Variants in PTPRE observed in about 807,000 individuals in gnomAD.
The protein encoded by PTPRE is receptor-type tyrosine-protein phosphatase epsilon.
A neutral mutation model predicts 102.0 loss-of-function variants in PTPRE; 51 were observed. The ratio of observed to expected loss-of-function variants is 0.50; its 90% CI spans 0.40 to 0.63. The LOEUF is 0.63. PTPRE is among the 30% of genes least tolerant of loss of function. The pLI is 0.00. For synonymous variants in PTPRE, 345 were observed against 348.2 expected (o/e 0.99, Z 0.10); for missense variants, 752 against 915.1 (o/e 0.82, Z 2.30).
Position 127,943,564 on chromosome 10 carries a change from G to A in PTPRE, c.-31+36255G>A, listed in dbSNP as rs1265776466. Among the ~76,000 whole-genome samples, 3 of 152,328 alleles carry A rather than the reference G, an allele frequency of 2.0e-5. 1 individual carries two copies. The highest frequency in any genetic ancestry group is 2.9e-5 in the Non-Finnish European group (2 of 68,034). On this transcript the variant is annotated intron_variant, in intron 1 of 20. Transcript: ENST00000254667. ...ACCCCACCCACAGTGAGACAATGCG[G>A]TGGTCATGGGGAAGCTCCACCCACC...
At chr10:127,961,759 T>C (rs1275501343) in intron 1 of PTPRE, among the ~76,000 whole-genome samples, 2 of 152,106 alleles carry the variant, frequency 1.3e-5, no homozygotes, top group East Asian at 1.9e-4. Context: ...ATTTGTACCT[T>C]GGTGTATTTA....
At position 128,070,152 on chromosome 10, in the gene PTPRE, T is replaced by C. The variant is rs1030523386; in HGVS notation, c.1144-149T>C. The C allele has an allele frequency of 4.3e-6, 4 of 924,868 alleles. No individual in the cohort carries two copies. The highest frequency in any genetic ancestry group is 1.7e-5 in the African/African-American group (1 of 59,530). 57.3% of individuals were successfully genotyped at this position (924,868 alleles called of 1,614,324 possible). ...CAAGGGCATAAATGGTCGTTATCCG[T>C]GGCCGGTACTCTGACTCTTGCCTCA... is the stretch of plus-strand genomic sequence containing the variant. On this transcript the variant is annotated intron_variant, in intron 13 of 20. Transcript: ENST00000254667. This position sits in a 1 kb window ranked among gnomAD's most constrained non-coding sequence, Gnocchi z 4.8.
intron 3 of PTPRE, among the ~76,000 whole-genome samples, chr10:128,043,022 G>A (rs940642865): frequency 6.6e-6 from 1 of 152,050 alleles, no homozygotes; most frequent in African/African-American, 2.4e-5. Flanking sequence ...CAAAGGGTTG[G>A]CAAAATATCC....
At chr10:128,039,797 G>C (rs527461844) in intron 2 of PTPRE, among the ~76,000 whole-genome samples, 2 of 152,048 alleles carry the variant, frequency 1.3e-5, no homozygotes, top group South Asian at 4.2e-4. Context: ...GAGTGGGGGG[G>C]CCACACCTCC....
chr10:127,951,052 G>A (rs1848985273), intron 1 of PTPRE, among the ~76,000 whole-genome samples: 1 of 152,024 alleles, frequency 6.6e-6, no homozygotes, highest in Non-Finnish European at 1.5e-5. Flanking sequence ...ACTCCAGCCT[G>A]GGTGACAGAG....
At chr10:127,962,673 G>A (rs72845889) in intron 1 of PTPRE, among the ~76,000 whole-genome samples, 8,340 of 152,294 alleles carry the variant, frequency 0.055, 277 homozygotes, top group Middle Eastern at 0.082. Flanking sequence ...TCAGCGGGGC[G>A]GCTGTGCCCT....
At chr10:128,002,333 G>A (rs749371592) in intron 2 of PTPRE, among the ~76,000 whole-genome samples, 7 of 152,168 alleles carry the variant, frequency 4.6e-5, no homozygotes, top group South Asian at 2.1e-4. Context: ...AATTATTTCC[G>A]GGGAGTTTGT....
chr10:128,049,588 C>T lies in PTPRE; in HGVS notation c.342C>T (p.Pro114=). 2 of 1,614,030 alleles carry T rather than the reference C, an allele frequency of 1.2e-6. No homozygotes were observed. Among genetic ancestry groups the T allele is most frequent in the South Asian group, 1.1e-5 (1 of 91,076 alleles). Residue 114 remains proline, a synonymous_variant, in exon 6 of 21, where the codon CCC becomes CCT. Coordinates refer to ENST00000254667, the MANE Select transcript of PTPRE (RefSeq NM_006504.6). ...CCTCAGGGCCCAAGAAGTATTTTCC[C>T]ATCCCCGTGGAGCACCTGGAGGAGG... The part of the protein sequence containing the change: ...RSPSGPKKYF[P]IPVEHLEEEI...
At chr10:128,082,768 C>T (rs1851836132) in intron 20 of PTPRE, 64 bp from the exon 21 acceptor site, 1 of 1,495,702 alleles carries the variant, frequency 6.7e-7, no homozygotes, top group Non-Finnish European at 8.9e-7. Context: ...TTGAGTATTT[C>T]TCCTGATTAA....
At chr10:127,920,922 C>T (rs888063987) in intron 1 of PTPRE, among the ~76,000 whole-genome samples, 2 of 152,132 alleles carry the variant, frequency 1.3e-5, no homozygotes, top group African/African-American at 2.4e-5. Flanking sequence ...AAGGAGAGGG[C>T]GTTTCCCTAC....
rs1468191223 is a variant in PTPRE at position 127,944,303 on chromosome 10, G to C, written c.-31+36994G>C. Among the ~76,000 whole-genome samples the C allele has an allele frequency of 6.6e-6, 1 of 152,064 alleles. No individual in the cohort carries two copies. Among genetic ancestry groups the C allele is most frequent in the Non-Finnish European group, 1.5e-5 (1 of 68,032 alleles). The stretch of plus-strand genomic sequence containing the variant: ...CAGGGATGGATGAGCACCTCTGGGA[G>C]GTACTTGATAAATATTGATTGAATG... On this transcript the variant is annotated intron_variant, in intron 1 of 20. Coordinates refer to ENST00000254667, the MANE Select transcript of PTPRE (RefSeq NM_006504.6). The surrounding 1 kb of genome is among the most constrained non-coding windows in gnomAD (Gnocchi z 4.2).
Position 128,066,162 on chromosome 10 carries a change from G to A in PTPRE, c.811G>A (p.Asp271Asn), listed in dbSNP as rs754520710. 7 of 1,614,176 alleles carry A rather than the reference G, an allele frequency of 4.3e-6. No homozygotes were observed. The highest frequency in any genetic ancestry group is 5.1e-6 in the Non-Finnish European group (6 of 1,180,022). The change falls in exon 11 of 21, where the codon GAC becomes AAC. Residue 271 changes from aspartate to asparagine, a missense_variant. Asp to Asn is a conservative substitution (Grantham distance 23). Coordinates refer to ENST00000254667, the MANE Select transcript of PTPRE (RefSeq NM_006504.6). ...VCVEDCVVLV[D>N]YTIRKFCIQP... ...CGTGGAGGACTGCGTGGTTTTGGTCGACTACACCATCCGGAAGTTCTGCAT... is the reference window on the plus strand; with the variant it reads ...CGTGGAGGACTGCGTGGTTTTGGTCAACTACACCATCCGGAAGTTCTGCAT...
Position 128,009,079 on chromosome 10 carries a change from G to A in PTPRE, c.-8+26783G>A, listed in dbSNP as rs545500186. Among the ~76,000 whole-genome samples, 163 of 152,280 alleles carry A rather than the reference G, an allele frequency of 1.1e-3. 1 individual carries two copies. Among genetic ancestry groups the A allele is most frequent in the African/African-American group, 3.8e-3 (158 of 41,564 alleles). On this transcript the variant is annotated intron_variant, in intron 2 of 20. Coordinates refer to ENST00000254667, the MANE Select transcript of PTPRE (RefSeq NM_006504.6). ...CTCCAACATGGTGCTGGCTGTCACC[G>A]CAAGCCACAGAAGCACCTTTTCTCC...
chr10:128,040,982 CGACCTCAGGTAAG>C lies in PTPRE; in HGVS notation c.106_109+9del, dbSNP rs1564915453. 1 of 1,613,934 alleles carries C rather than the reference CGACCTCAGGTAAG, an allele frequency of 6.2e-7. No homozygotes were observed. The highest frequency in any genetic ancestry group is 8.5e-7 in the Non-Finnish European group (1 of 1,179,984). On this transcript the variant is annotated splice_donor_variant and splice_donor_5th_base_variant and coding_sequence_variant and intron_variant, in exon 3 of 21. Transcript: ENST00000254667. LOFTEE classifies it high-confidence loss of function. Reference sequence around the variant, plus strand: ...ACTGCCGACAGCAACGAGACAACCACGACCTCAGGTAAGGACCCCTTTCCCTGGCTGCCTCCCC... The same window carrying C: ...ACTGCCGACAGCAACGAGACAACCACGACCCCTTTCCCTGGCTGCCTCCCC...
rs560049073 is a variant in PTPRE at position 127,960,856 on chromosome 10, A to T, written c.-30-21418A>T. ...AACATGGTGAAACCCCGTCTCTACT[A>T]AAAATACAAAAAAAATTAGCCGGGC... On this transcript the variant is annotated intron_variant, in intron 1 of 20. Transcript: ENST00000254667. Among the ~76,000 whole-genome samples the T allele has an allele frequency of 1.8e-3, 274 of 152,012 alleles. 5 individuals are homozygous for T. Among genetic ancestry groups the T allele is most frequent in the African/African-American group, 6.3e-3 (261 of 41,450 alleles).
At chr10:128,021,966 A>G (rs1417359445) in intron 2 of PTPRE, among the ~76,000 whole-genome samples, 2 of 152,210 alleles carry the variant, frequency 1.3e-5, no homozygotes, top group East Asian at 3.8e-4. Flanking sequence ...TAGAGTATGC[A>G]TTCAATTATT....
At chr10:127,960,650 G>T (rs925536560) in intron 1 of PTPRE, among the ~76,000 whole-genome samples, 5 of 152,194 alleles carry the variant, frequency 3.3e-5, no homozygotes, top group African/African-American at 1.2e-4. Flanking sequence ...CTCAATAAAT[G>T]TGTAAACTTG....
At chr10:127,978,273 T>TCA (rs1195835645) in intron 1 of PTPRE, among the ~76,000 whole-genome samples, 6 of 151,344 alleles carry the variant, frequency 4.0e-5, no homozygotes, top group Non-Finnish European at 5.9e-5. Context: ...GTATAGTGGC[T>TCA]CACGCCTGTA....
chr10:128,012,331 C>T (rs1590003126), intron 2 of PTPRE, among the ~76,000 whole-genome samples: 2 of 152,198 alleles, frequency 1.3e-5, no homozygotes, highest in African/African-American at 4.8e-5. Context: ...TGTGGTCACT[C>T]AAGAGTCCAG....
Sources: allele counts gnomAD v4.1 joint callset (sites outside exome capture counted in the v4.1 genomes callset), GRCh38; gene constraint gnomAD v4.1.1; non-coding constraint Gnocchi (gnomAD v3.1); transcripts MANE v1.5; gene names NCBI Gene and HGNC (gene_info 2026-07-23, HGNC 2026-07-21).